SRGAP3: variants seen among roughly 807,000 people sequenced by gnomAD.
The protein encoded by SRGAP3 is SLIT-ROBO Rho GTPase-activating protein 3.
Under a neutral mutation model 121.1 loss-of-function variants are expected in SRGAP3, and 39 were observed. The ratio of observed to expected loss-of-function variants is 0.32; its 90% CI spans 0.25 to 0.42. SRGAP3 has a LOEUF of 0.42. Ranked by LOEUF, SRGAP3 falls within the 10% of genes least tolerant of loss-of-function variation. The pLI, the probability that SRGAP3 is intolerant of heterozygous loss-of-function variation, is 1.00. For synonymous variants in SRGAP3, 601 were observed against 570.0 expected (o/e 1.05, Z -0.77); for missense variants, 1,213 against 1,470.6 (o/e 0.82, Z 2.86).
intron 4 of SRGAP3, among the ~76,000 whole-genome samples, chr3:9,071,625 G>C (rs968087795): frequency 6.6e-6 from 1 of 151,122 alleles, no homozygotes; most frequent in Non-Finnish European, 1.5e-5. Flanking sequence ...GTGGGAGAGA[G>C]ACTGATTCTC....
chr3:9,010,774 T>C (rs778942430), intron 17 of SRGAP3, among the ~76,000 whole-genome samples: 1 of 152,198 alleles, frequency 6.6e-6, no homozygotes, highest in African/African-American at 2.4e-5. Context: ...AGTTATTTCA[T>C]CTGGCCTGAC....
intron 2 of SRGAP3, among the ~76,000 whole-genome samples, chr3:9,106,253 A>G (rs933945627): frequency 4.6e-5 from 7 of 152,212 alleles, no homozygotes; most frequent in Admixed American, 3.3e-4. Flanking sequence ...CAGGGCACCT[A>G]TGCTAAAGCT....
At chr3:9,056,159 G>T in intron 8 of SRGAP3, 74 bp downstream of exon 8, 1 of 1,377,850 alleles carries the variant, frequency 7.3e-7, no homozygotes, top group Non-Finnish European at 1.0e-6. Flanking sequence ...TGCACTTCGT[G>T]GCACAAGTGG....
chr3:9,137,970 C>A (rs1048293890), intron 1 of SRGAP3, among the ~76,000 whole-genome samples: 1 of 152,152 alleles, frequency 6.6e-6, no homozygotes, highest in Non-Finnish European at 1.5e-5. Flanking sequence ...GTTTTGCTGC[C>A]CAATGGTCCC....
Position 9,249,275 on chromosome 3 carries a change from G to A in SRGAP3, c.-324C>T. Reference sequence around the variant, plus strand: ...AAATAATAATAATAGTAATAACCAAGCGCACTCACACACACATGCACACGT... The same window carrying A: ...AAATAATAATAATAGTAATAACCAAACGCACTCACACACACATGCACACGT... On this transcript the variant is annotated 5_prime_UTR_variant, in exon 1 of 22. Coordinates refer to ENST00000383836, the MANE Select transcript of SRGAP3 (RefSeq NM_014850.4). The A allele has an allele frequency of 4.3e-6, 2 of 463,648 alleles. No homozygotes were observed. Among genetic ancestry groups the A allele is most frequent in the Non-Finnish European group, 8.0e-6 (2 of 250,800 alleles). The allele number at this position is 463,648 out of a possible 1,614,324, so 28.7% of individuals were successfully genotyped here.
At chr3:9,156,934 T>C (rs879565995) in intron 1 of SRGAP3, among the ~76,000 whole-genome samples, 9 of 152,170 alleles carry the variant, frequency 5.9e-5, no homozygotes, top group Non-Finnish European at 7.3e-5. Context: ...AGTAAAAATA[T>C]TTATTAAGAC....
chr3:9,303,386 C>T (rs1955101345), intron 3 of SRGAP3, among the ~76,000 whole-genome samples: 1 of 150,684 alleles, frequency 6.6e-6, no homozygotes, highest in Non-Finnish European at 1.5e-5. Flanking sequence ...GATCGCACCA[C>T]TGCACTCCAG....
intron 14 of SRGAP3, among the ~76,000 whole-genome samples, chr3:9,024,938 T>A (rs920003601): frequency 6.6e-6 from 1 of 152,142 alleles, no homozygotes; most frequent in African/African-American, 2.4e-5. Context: ...ATAGCAGTAG[T>A]AGTCATAGTA....
chr3:9,142,829 CTTTTTTTTTT>C (rs397795766), intron 1 of SRGAP3, among the ~76,000 whole-genome samples: 3 of 90,862 alleles, frequency 3.3e-5, no homozygotes, highest in South Asian at 9.0e-4. Context: ...GGGCAATTTC[CTTTTTTTTTT>C]TTTTTTTTTT....
At chr3:9,104,344 C>A (rs1948330144) in intron 3 of SRGAP3, among the ~76,000 whole-genome samples, 1 of 152,148 alleles carries the variant, frequency 6.6e-6, no homozygotes. Context: ...CCAAACAATG[C>A]CATTTCAGGT....
At chr3:8,988,030 T>C (rs553687053) in intron 21 of SRGAP3, among the ~76,000 whole-genome samples, 32 of 143,574 alleles carry the variant, frequency 2.2e-4, no homozygotes, top group African/African-American at 4.0e-4. Context: ...GCCCCACCAC[T>C]CTACCCCAGC....
intron 3 of SRGAP3, among the ~76,000 whole-genome samples, chr3:9,080,619 A>G (rs1560099846): frequency 6.6e-6 from 1 of 152,208 alleles, no homozygotes; most frequent in Non-Finnish European, 1.5e-5. Flanking sequence ...GCCACAGATC[A>G]GTCCATGGCC....
intron 4 of SRGAP3, among the ~76,000 whole-genome samples, chr3:9,078,072 T>A (rs1947056394): frequency 6.6e-6 from 1 of 152,092 alleles, no homozygotes; most frequent in Admixed American, 6.5e-5. Flanking sequence ...CGAGAGGTAA[T>A]AACATTCTGA....
intron 10 of SRGAP3, among the ~76,000 whole-genome samples, chr3:9,041,837 G>T (rs1411959566): frequency 6.6e-6 from 1 of 152,088 alleles, no homozygotes; most frequent in South Asian, 2.1e-4. Context: ...GTGGTGACTC[G>T]TGCCCGTAAT....
intron 3 of SRGAP3, among the ~76,000 whole-genome samples, chr3:9,324,502 C>T (rs1181553809): frequency 1.3e-5 from 2 of 151,890 alleles, no homozygotes; most frequent in Admixed American, 6.5e-5. Flanking sequence ...AGGACAAAAA[C>T]AAAACCTGAT....
In SRGAP3 at chr3:9,013,477, C is replaced by A; in HGVS notation, c.1978G>T (p.Gly660Trp). 1 of 1,614,014 alleles carries A rather than the reference C, an allele frequency of 6.2e-7. No homozygotes were observed. The highest frequency in any genetic ancestry group is 8.5e-7 in the Non-Finnish European group (1 of 1,180,016). Reference protein sequence around the residue: ...MDPYNLAICFGPTLMHIPDGQ... With the variant: ...MDPYNLAICFWPTLMHIPDGQ... ...TCAGGGATGTGCATGAGGGTAGGCC[C>A]GAAGCAGATGGCCAGGTTGTAGGGA... The change falls in exon 17 of 22, where the codon GGG (glycine) becomes TGG (tryptophan). Residue 660 changes from glycine (G) to tryptophan (W), a missense_variant. By Grantham distance (184) the Gly-to-Trp change is radical (BLOSUM62 -2). Transcript: ENST00000383836.
chr3:9,063,379 T>C (rs963248988), intron 5 of SRGAP3, among the ~76,000 whole-genome samples: 3 of 152,064 alleles, frequency 2.0e-5, no homozygotes, highest in African/African-American at 7.2e-5. Flanking sequence ...TCTGACCACC[T>C]TGGCCTCCCA....
chr3:9,163,879 G>A (rs1056752857), intron 1 of SRGAP3, among the ~76,000 whole-genome samples: 1 of 151,868 alleles, frequency 6.6e-6, no homozygotes, highest in African/African-American at 2.4e-5. Context: ...TGAGGAAGTT[G>A]GGACTTAGTA....
chr3:9,348,590 T>C, intron 1 of SRGAP3: 2 of 896,370 alleles, frequency 2.2e-6, no homozygotes, highest in Non-Finnish European at 3.7e-6. Flanking sequence ...AGAAGCCGGC[T>C]GAGTTTGACA....
Sources: gnomAD v4.1 joint callset for allele counts (sites outside exome capture counted in the v4.1 genomes callset) on GRCh38, gnomAD v4.1.1 for gene constraint, MANE v1.5 for transcripts, NCBI Gene and HGNC (gene_info 2026-07-23, HGNC 2026-07-21) for gene names.